The following MACROD2 variants were observed in gnomAD, a reference collection of about 807,000 sequenced individuals.
MACROD2 encodes the protein mono-ADP ribosylhydrolase 2.
MACROD2 carries 36 observed loss-of-function variants against 70.4 expected under a neutral mutation model. The ratio of observed to expected loss-of-function variants is 0.51; its 90% CI spans 0.39 to 0.68. The LOEUF (loss-of-function observed/expected upper bound fraction) is 0.68. Among genes scored for constraint, MACROD2 ranks in the 30% least tolerant of loss-of-function variants. The pLI is 0.00. For synonymous variants in MACROD2, 172 were observed against 178.8 expected (o/e 0.96, Z 0.30); for missense variants, 496 against 538.4 (o/e 0.92, Z 0.78).
intron 5 of MACROD2, among the ~76,000 whole-genome samples, chr20:14,876,312 A>G (rs1416962316): frequency 1.3e-5 from 2 of 151,772 alleles, no homozygotes; most frequent in African/African-American, 2.4e-5. Context: ...ACTTTTTAAT[A>G]GGGTTGTTTT....
chr20:15,382,058 G>A (rs534684009), intron 6 of MACROD2, among the ~76,000 whole-genome samples: 3 of 152,288 alleles, frequency 2.0e-5, no homozygotes, highest in Admixed American at 6.5e-5. Context: ...GCTGAAAGAG[G>A]AGAGTGTACT....
intron 6 of MACROD2, among the ~76,000 whole-genome samples, chr20:15,244,055 C>G (rs1208000755): frequency 6.6e-6 from 1 of 152,138 alleles, no homozygotes; most frequent in African/African-American, 2.4e-5. Context: ...ACTCAATACA[C>G]AGCAATTCCT....
At chr20:14,313,512 G>A (rs531866639) in intron 3 of MACROD2, among the ~76,000 whole-genome samples, 1 of 151,452 alleles carries the variant, frequency 6.6e-6, no homozygotes, top group African/African-American at 2.4e-5. Flanking sequence ...TCTTTGTCTG[G>A]GACTTCTAAG....
chr20:15,353,554 C>G (rs1253090224), intron 6 of MACROD2, among the ~76,000 whole-genome samples: 2 of 152,116 alleles, frequency 1.3e-5, no homozygotes, highest in East Asian at 1.9e-4. Context: ...ACTAGCATCA[C>G]AGTGAACAGG....
chr20:15,449,479 TC>T lies in MACROD2; in HGVS notation c.571+18047del, dbSNP rs1276259236. ...AAGTCATCAAATGGTAAAAATCTCTTCCCAATTAAAAATGCCAGTATCCCTC... is the reference window on the plus strand; with the variant it reads ...AAGTCATCAAATGGTAAAAATCTCTTCCAATTAAAAATGCCAGTATCCCTC... On this transcript the variant is annotated intron_variant, in intron 7 of 17. Transcript: ENST00000684519. Among the ~76,000 whole-genome samples, 255 of 152,240 alleles carry T rather than the reference TC, an allele frequency of 1.7e-3. 1 individual carries two copies. Among genetic ancestry groups the T allele is most frequent in the African/African-American group, 5.9e-3 (244 of 41,560 alleles).
chr20:15,706,914 C>A (rs1364609198), intron 8 of MACROD2, among the ~76,000 whole-genome samples: 1 of 152,104 alleles, frequency 6.6e-6, no homozygotes, highest in Non-Finnish European at 1.5e-5. Flanking sequence ...GATTCATGGG[C>A]CCTGATGTTA....
intron 7 of MACROD2, among the ~76,000 whole-genome samples, chr20:15,476,575 C>G (rs867402084): frequency 2.0e-3 from 299 of 152,086 alleles, no homozygotes; most frequent in Non-Finnish European, 2.9e-3. Flanking sequence ...GTTTTGCCCC[C>G]CCCCGGTAAG....
At chr20:16,022,896 G>A (rs955204992) in intron 15 of MACROD2, among the ~76,000 whole-genome samples, 4 of 152,194 alleles carry the variant, frequency 2.6e-5, no homozygotes, top group African/African-American at 9.7e-5. Context: ...TGCCAACTTT[G>A]CTTAACTGGA....
chr20:15,648,678 A>G (rs2049590603), intron 8 of MACROD2, among the ~76,000 whole-genome samples: 1 of 152,200 alleles, frequency 6.6e-6, no homozygotes, highest in Non-Finnish European at 1.5e-5. Flanking sequence ...AGGAGCAAAT[A>G]GATACATAGA....
chr20:14,218,545 A>G (rs2081643332), intron 3 of MACROD2, among the ~76,000 whole-genome samples: 2 of 152,146 alleles, frequency 1.3e-5, no homozygotes, highest in African/African-American at 4.8e-5. Flanking sequence ...CATTGCATTC[A>G]TCATGATCTT....
rs553216393 is a variant in MACROD2, at chr20:14,091,907, A to C, written c.271+6179A>C. Among the ~76,000 whole-genome samples the C allele has an allele frequency of 2.0e-5, 3 of 152,278 alleles. No homozygotes were observed. In the South Asian group the frequency reaches 6.2e-4, roughly 32 times the overall value. Reference sequence around the variant, plus strand: ...ATAAAGCTTTTATGAACATTTATGTACATGTTTTTATATGACCATACATTT... The same window carrying C: ...ATAAAGCTTTTATGAACATTTATGTCCATGTTTTTATATGACCATACATTT... On this transcript the variant is annotated intron_variant, in intron 3 of 17. Transcript: ENST00000684519.
intron 5 of MACROD2, among the ~76,000 whole-genome samples, chr20:14,996,089 A>G (rs1000266107): frequency 6.6e-6 from 1 of 152,166 alleles, no homozygotes; most frequent in African/African-American, 2.4e-5. Context: ...GGTACCAAGG[A>G]ATTTTAAAAG....
At chr20:15,361,254 T>G (rs1175746943) in intron 6 of MACROD2, among the ~76,000 whole-genome samples, 2 of 152,196 alleles carry the variant, frequency 1.3e-5, no homozygotes, top group Non-Finnish European at 2.9e-5. Context: ...AAGTTGAGGT[T>G]GAGATGATTT....
intron 8 of MACROD2, among the ~76,000 whole-genome samples, chr20:15,557,055 A>G (rs1474900186): frequency 6.6e-6 from 1 of 152,206 alleles, no homozygotes; most frequent in East Asian, 1.9e-4. Flanking sequence ...GAGTCATACA[A>G]TCATAATTAA....
chr20:14,251,770 G>T (rs1290533593), intron 3 of MACROD2, among the ~76,000 whole-genome samples: 1 of 152,086 alleles, frequency 6.6e-6, no homozygotes, highest in Admixed American at 6.6e-5. Context: ...AAGTAGAAAA[G>T]ACTGTTGAAG....
intron 5 of MACROD2, among the ~76,000 whole-genome samples, chr20:15,063,721 C>G (rs6079649): frequency 0.18 from 26,993 of 152,120 alleles, 2,849 homozygotes; most frequent in East Asian, 0.35. Context: ...AAAATGCTAC[C>G]TGCATGGGTT....
intron 15 of MACROD2, among the ~76,000 whole-genome samples, chr20:15,999,258 CTG>C (rs1192618530): frequency 6.6e-6 from 1 of 151,956 alleles, no homozygotes; most frequent in Non-Finnish European, 1.5e-5. Flanking sequence ...TTGTTCAGGA[CTG>C]TGTTATTTAA....
chr20:14,638,996 T>C (rs1336326773), intron 4 of MACROD2, among the ~76,000 whole-genome samples: 1 of 151,680 alleles, frequency 6.6e-6, no homozygotes. Flanking sequence ...TATGTGTTAA[T>C]CTCTTAGGTT....
chr20:15,052,564 C>G (rs753430842), intron 5 of MACROD2, among the ~76,000 whole-genome samples: 3 of 152,118 alleles, frequency 2.0e-5, no homozygotes, highest in African/African-American at 4.8e-5. Flanking sequence ...AAACTGTGCT[C>G]ATAAAAGGTC....
Sources: gnomAD v4.1 joint callset for allele counts (sites outside exome capture counted in the v4.1 genomes callset) on GRCh38, gnomAD v4.1.1 for gene constraint, MANE v1.5 for transcripts, NCBI Gene and HGNC (gene_info 2026-07-23, HGNC 2026-07-21) for gene names.